ASB3: variants seen among roughly 807,000 people sequenced by gnomAD.
ASB3 encodes the protein ankyrin repeat and SOCS box containing 3.
In ASB3, 41 loss-of-function variants were observed where a neutral mutation model predicts 54.5. That is an observed-to-expected ratio of 0.75 (90% CI 0.59 to 0.98). ASB3 has a LOEUF of 0.98. ASB3 is among the 50% of genes least tolerant of loss of function. The probability of loss-of-function intolerance (pLI) is 0.00; values close to 1 mark genes in which losing one functional copy is unlikely to be tolerated. For missense variants in ASB3, 733 were observed against 620.0 expected, an observed-to-expected ratio of 1.18 and a Z score of -1.94; for synonymous variants, 266 against 221.2, an observed-to-expected ratio of 1.20 and a Z score of -1.80.
intron 1 of ASB3, among the ~76,000 whole-genome samples, chr2:53,776,484 CT>C (rs1476884532): frequency 6.6e-6 from 1 of 152,110 alleles, no homozygotes; most frequent in African/African-American, 2.4e-5. Flanking sequence ...ATTTATTCAG[CT>C]TTTGGCAATC....
chr2:53,736,430 G>A (rs1272080283), intron 3 of ASB3, among the ~76,000 whole-genome samples: 1 of 152,206 alleles, frequency 6.6e-6, no homozygotes, highest in Non-Finnish European at 1.5e-5. Context: ...CAGGTGCGGT[G>A]GCTCACGCCT....
intron 1 of ASB3, among the ~76,000 whole-genome samples, chr2:53,781,649 C>T (rs1395572354): frequency 6.6e-6 from 1 of 152,178 alleles, no homozygotes; most frequent in East Asian, 1.9e-4. Context: ...GCATGAGCCA[C>T]CACGCCTGTC....
chr2:53,765,511 C>A lies in ASB3; in HGVS notation c.62G>T (p.Gly21Val), dbSNP rs148027593. Residue 21 changes from glycine to valine, a missense_variant, in exon 2 of 10, where the codon GGC (glycine) becomes GTC (valine). Physicochemically the swap from Gly to Val is moderately radical, Grantham distance 109 (BLOSUM62 -3). Transcript: ENST00000263634. ...CSTVGLAARE[G>V]NVKVLRKLLK... ...CAGTTTCCTTAAGACTTTAACATTG[C>A]CTTCCCTGGCAGCAAGTCCAACTGT... 5 of 1,614,092 alleles carry A rather than the reference C, an allele frequency of 3.1e-6. 1 individual carries two copies. The African/African-American group carries it at 6.7e-5, about 22-fold the overall frequency.
chr2:53,754,991 C>T (rs1161048909), intron 2 of ASB3, among the ~76,000 whole-genome samples: 1 of 152,212 alleles, frequency 6.6e-6, no homozygotes, highest in African/African-American at 2.4e-5. Flanking sequence ...CCCTTCTCTA[C>T]AGGGGTGCTT....
chr2:53,726,257 ATTTTTTT>A (rs35225840), intron 5 of ASB3, among the ~76,000 whole-genome samples: 100 of 135,488 alleles, frequency 7.4e-4, no homozygotes, highest in African/African-American at 2.6e-3. Context: ...TTTAATCTAA[ATTTTTTT>A]TTTTTTTTTT....
rs1244060252 is a variant in ASB3, at chr2:53,700,590, TACAA to T, written c.981-66_981-63del. 4 of 1,537,236 alleles carry T rather than the reference TACAA, an allele frequency of 2.6e-6. No individual in the cohort carries two copies. The East Asian group carries it at 9.1e-5, about 35-fold the overall frequency. ...TTAGACTTTGACATAAGATACTTCT[TACAA>T]ACAGTTAATAGTAGTTACAGCTGGG... On this transcript the variant is annotated intron_variant, in intron 7 of 9. Coordinates refer to ENST00000263634, the MANE Select transcript of ASB3 (RefSeq NM_016115.5).
At chr2:53,742,597 T>C (rs1274174983) in intron 3 of ASB3, among the ~76,000 whole-genome samples, 1 of 151,388 alleles carries the variant, frequency 6.6e-6, no homozygotes, top group Non-Finnish European at 1.5e-5. Flanking sequence ...AGTAAAAAAA[T>C]GGCTGACAGG....
At chr2:53,710,530 G>C (rs894901762) in intron 7 of ASB3, among the ~76,000 whole-genome samples, 1 of 152,126 alleles carries the variant, frequency 6.6e-6, no homozygotes, top group African/African-American at 2.4e-5. Context: ...TGTTTTATCA[G>C]TTCTTCATAT....
chr2:53,721,149 T>TA (rs1241106116), intron 5 of ASB3, among the ~76,000 whole-genome samples: 1 of 149,370 alleles, frequency 6.7e-6, no homozygotes, highest in Non-Finnish European at 1.5e-5. Flanking sequence ...AATAAATAAA[T>TA]AAATAAATAA....
chr2:53,690,070 A>G lies in ASB3; in HGVS notation c.1369+3814T>C, dbSNP rs761535667. On this transcript the variant is annotated intron_variant, in intron 9 of 9. Coordinates refer to ENST00000263634, the MANE Select transcript of ASB3 (RefSeq NM_016115.5). ...GGGTAACATGGCGAAACCCTGTCTC[A>G]ACAAAAAATACAAAAATTAGCTGGG... Among the ~76,000 whole-genome samples the G allele has an allele frequency of 5.4e-4, 82 of 151,556 alleles. 1 individual carries two copies. The highest frequency in any genetic ancestry group is 1.5e-4 in the Non-Finnish European group (10 of 67,860).
chr2:53,693,523 G>A (rs1355871727), intron 9 of ASB3, among the ~76,000 whole-genome samples: 1 of 151,944 alleles, frequency 6.6e-6, no homozygotes, highest in East Asian at 1.9e-4. Flanking sequence ...ACATTCCAAA[G>A]AGAAAAATTA....
intron 9 of ASB3, among the ~76,000 whole-genome samples, chr2:53,687,623 C>T (rs1330892209): frequency 6.6e-6 from 1 of 152,104 alleles, no homozygotes; most frequent in Non-Finnish European, 1.5e-5. Flanking sequence ...CACAGTTTAA[C>T]CCATATATTT....
chr2:53,744,352 C>A (rs1672106847), intron 3 of ASB3, among the ~76,000 whole-genome samples: 1 of 147,344 alleles, frequency 6.8e-6, no homozygotes, highest in East Asian at 2.1e-4. Flanking sequence ...CCACTGCACT[C>A]CAGCCTGGGC....
At chr2:53,722,000 T>C (rs1462383093) in intron 5 of ASB3, among the ~76,000 whole-genome samples, 1 of 151,752 alleles carries the variant, frequency 6.6e-6, no homozygotes, top group Non-Finnish European at 1.5e-5. Context: ...AACAACAAAG[T>C]TGACATTACA....
At chr2:53,689,320 T>G (rs528936283) in intron 9 of ASB3, among the ~76,000 whole-genome samples, 1 of 152,318 alleles carries the variant, frequency 6.6e-6, no homozygotes, top group African/African-American at 2.4e-5. Context: ...AAATTTTTCT[T>G]TGGCATAAAA....
At chr2:53,759,283 G>T (rs1287858876) in intron 2 of ASB3, among the ~76,000 whole-genome samples, 1 of 152,170 alleles carries the variant, frequency 6.6e-6, no homozygotes, top group Non-Finnish European at 1.5e-5. Flanking sequence ...CTAGGAGGAA[G>T]ACTATGAATT....
At position 53,670,616 on chromosome 2, in the gene ASB3, C is replaced by G; in HGVS notation, c.1444G>C (p.Asp482His). Residue 482 changes from aspartate to histidine, a missense_variant, in exon 10 of 10, where the codon GAC becomes CAC. Physicochemically the swap from Asp to His is moderately conservative, Grantham distance 81. Coordinates refer to ENST00000263634, the MANE Select transcript of ASB3 (RefSeq NM_016115.5). Reference protein sequence around the residue: ...SSLKSERLRSDSYISQLPLPR... With the variant: ...SSLKSERLRSHSYISQLPLPR... Reference sequence around the variant, plus strand: ...AGTGGCAGCTGACTAATATAACTGTCAGACCGTAGACGTTCTGATTTTAGA... The same window carrying G: ...AGTGGCAGCTGACTAATATAACTGTGAGACCGTAGACGTTCTGATTTTAGA... 1 of 1,614,016 alleles carries G rather than the reference C, an allele frequency of 6.2e-7. No individual in the cohort carries two copies. Among genetic ancestry groups the G allele is most frequent in the Non-Finnish European group, 8.5e-7 (1 of 1,179,970 alleles).
At chr2:53,783,664 T>TTA (rs1674777374) in intron 1 of ASB3, among the ~76,000 whole-genome samples, 3 of 152,340 alleles carry the variant, frequency 2.0e-5, no homozygotes, top group Admixed American at 2.0e-4. Flanking sequence ...TGTCATCAGA[T>TTA]ACACTAGACA....
chr2:53,733,044 C>T (rs1168803352), intron 3 of ASB3, among the ~76,000 whole-genome samples: 1 of 152,132 alleles, frequency 6.6e-6, no homozygotes, highest in Non-Finnish European at 1.5e-5. Flanking sequence ...TTAGAAACTA[C>T]CTAGCAAATA....
Sources: gnomAD v4.1 joint callset for allele counts (sites outside exome capture counted in the v4.1 genomes callset) on GRCh38, gnomAD v4.1.1 for gene constraint, MANE v1.5 for transcripts, NCBI Gene and HGNC (gene_info 2026-07-23, HGNC 2026-07-21) for gene names.